The following TSPAN18 variants were observed in gnomAD, a reference collection of about 807,000 sequenced individuals.
TSPAN18 encodes tetraspanin-18.
TSPAN18 carries 14 observed loss-of-function variants against 27.3 expected under a neutral mutation model. The ratio of observed to expected loss-of-function variants is 0.51; its 90% CI spans 0.34 to 0.80. The LOEUF (loss-of-function observed/expected upper bound fraction) is 0.80, where lower values mean the gene tolerates loss of function less well. Ranked by LOEUF, TSPAN18 falls within the 30% of genes least tolerant of loss-of-function variation. The pLI is 0.01. For synonymous variants in TSPAN18, 143 were observed against 136.5 expected, an observed-to-expected ratio of 1.05 and a Z score of -0.33; for missense variants, 268 against 323.9, an observed-to-expected ratio of 0.83 and a Z score of 1.32.
chr11:44,791,279 G>T (rs1301590928), intron 2 of TSPAN18, among the ~76,000 whole-genome samples: 3 of 152,246 alleles, frequency 2.0e-5, no homozygotes, highest in Non-Finnish European at 4.4e-5. Context: ...CACACCTAGG[G>T]TGAGAGCCGT....
chr11:44,925,373 C>T (rs1159971878), intron 8 of TSPAN18, among the ~76,000 whole-genome samples: 7 of 152,174 alleles, frequency 4.6e-5, no homozygotes, highest in Non-Finnish European at 7.3e-5. Flanking sequence ...ATCGTCGTGC[C>T]GGTGGGGTCT....
At chr11:44,790,594 G>A (rs533478838) in intron 2 of TSPAN18, among the ~76,000 whole-genome samples, 24 of 150,012 alleles carry the variant, frequency 1.6e-4, no homozygotes, top group African/African-American at 3.6e-4. Context: ...GCATGTGTTC[G>A]TGTGTGTGCA....
chr11:44,908,775 GAAAGAAAGAAAGAAAGAAAGAAA>G (rs1859570775), intron 4 of TSPAN18, among the ~76,000 whole-genome samples: 1 of 94,626 alleles, frequency 1.1e-5, no homozygotes, highest in Non-Finnish European at 2.0e-5. Flanking sequence ...AAAGGAGAAA[GAAAGAAAGAAAGAAAGAAAGAAA>G]GAAAGAAAGA....
intron 8 of TSPAN18, among the ~76,000 whole-genome samples, chr11:44,923,431 C>T (rs940299184): frequency 1.3e-5 from 2 of 152,002 alleles, no homozygotes; most frequent in Non-Finnish European, 1.5e-5. Flanking sequence ...TGTGTCTCAC[C>T]GGGTGGTGAC....
chr11:44,907,485 A>T (rs1450196387), intron 4 of TSPAN18, among the ~76,000 whole-genome samples: 2 of 152,078 alleles, frequency 1.3e-5, no homozygotes, highest in African/African-American at 2.4e-5. Flanking sequence ...GTGTCTTTTT[A>T]AAAAATATAC....
intron 1 of TSPAN18, among the ~76,000 whole-genome samples, chr11:44,728,225 C>T (rs1020729935): frequency 6.6e-6 from 1 of 152,168 alleles, no homozygotes; most frequent in Admixed American, 6.5e-5. Flanking sequence ...GCTGGAAAGG[C>T]TAGGAGTCAG....
intron 3 of TSPAN18, among the ~76,000 whole-genome samples, chr11:44,894,582 G>T (rs1858974018): frequency 6.6e-6 from 1 of 152,234 alleles, no homozygotes; most frequent in African/African-American, 2.4e-5. Context: ...CGCCATCTGG[G>T]CGACAGGAGG....
At chr11:44,762,001 A>G (rs889478944) in intron 1 of TSPAN18, among the ~76,000 whole-genome samples, 10 of 152,196 alleles carry the variant, frequency 6.6e-5, no homozygotes, top group African/African-American at 2.4e-4. Context: ...TCAAGTTTAC[A>G]TCAAAGAAAA....
chr11:44,767,873 T>C (rs1007677595), intron 2 of TSPAN18, among the ~76,000 whole-genome samples: 17 of 152,268 alleles, frequency 1.1e-4, no homozygotes, highest in African/African-American at 4.1e-4. Flanking sequence ...TATTCTCCAG[T>C]GTATTGCCAT....
intron 1 of TSPAN18, among the ~76,000 whole-genome samples, chr11:44,754,424 T>G (rs1228685528): frequency 1.3e-5 from 2 of 152,226 alleles, no homozygotes; most frequent in Non-Finnish European, 2.9e-5. Flanking sequence ...TACTGCACAT[T>G]GCATCCACGT....
chr11:44,739,096 C>T (rs1854868212), intron 1 of TSPAN18, among the ~76,000 whole-genome samples: 1 of 152,178 alleles, frequency 6.6e-6, no homozygotes, highest in East Asian at 1.9e-4. Flanking sequence ...GACTTCTCTC[C>T]TGGCCCTTTG....
intron 2 of TSPAN18, among the ~76,000 whole-genome samples, chr11:44,832,610 C>T (rs557251176): frequency 2.5e-4 from 38 of 152,348 alleles, no homozygotes; most frequent in South Asian, 6.2e-4. Context: ...TGCCACTGCC[C>T]CGGAGGGATC....
At chr11:44,854,186 A>T (rs918971404) in intron 2 of TSPAN18, among the ~76,000 whole-genome samples, 3 of 43,794 alleles carry the variant, frequency 6.9e-5, no homozygotes, top group African/African-American at 9.0e-5. Flanking sequence ...GTCTCTGCTC[A>T]TTGGGGCAGG....
chr11:44,781,291 G>T (rs1855934201), intron 2 of TSPAN18, among the ~76,000 whole-genome samples: 1 of 152,246 alleles, frequency 6.6e-6, no homozygotes, highest in Admixed American at 6.5e-5. Context: ...TGTTGGGAGG[G>T]AGGGAGCTCT....
rs973917480 is a variant in TSPAN18, at chr11:44,782,507, C to T, written c.-153+17995C>T. On this transcript the variant is annotated intron_variant, in intron 2 of 9. Transcript: ENST00000520358. ...GCAATGAGCAGAGATCATGCCACTG[C>T]ACTCCAGCTTGGGTGACAGAGTGAG... is the stretch of plus-strand genomic sequence containing the variant. Among the ~76,000 whole-genome samples the T allele has an allele frequency of 3.4e-5, 5 of 148,486 alleles. No individual in the cohort carries two copies. In the Admixed American group the frequency reaches 3.4e-4, roughly 10 times the overall value.
intron 3 of TSPAN18, among the ~76,000 whole-genome samples, chr11:44,905,998 T>C (rs1859439325): frequency 6.6e-6 from 1 of 152,124 alleles, no homozygotes; most frequent in Non-Finnish European, 1.5e-5. Context: ...TTTTCTCATC[T>C]ATGAAATGGC....
intron 5 of TSPAN18, among the ~76,000 whole-genome samples, chr11:44,913,808 A>G (rs1414744379): frequency 6.6e-6 from 1 of 152,268 alleles, no homozygotes; most frequent in Non-Finnish European, 1.5e-5. Context: ...TGGCTGACAA[A>G]GGTGTCCTTA....
chr11:44,746,077 T>C (rs12099334), intron 1 of TSPAN18, among the ~76,000 whole-genome samples: 2 of 152,160 alleles, frequency 1.3e-5, no homozygotes, highest in African/African-American at 4.8e-5. Flanking sequence ...GTTGAAAAAG[T>C]GAGAGAAGGT....
chr11:44,882,323 A>G (rs1175948885), intron 3 of TSPAN18, among the ~76,000 whole-genome samples: 1 of 152,046 alleles, frequency 6.6e-6, no homozygotes. Context: ...TCCTTTTCCC[A>G]TTGAGGAGGC....
Sources: allele counts gnomAD v4.1 joint callset (sites outside exome capture counted in the v4.1 genomes callset), GRCh38; gene constraint gnomAD v4.1.1; transcripts MANE v1.5; gene names NCBI Gene and HGNC (gene_info 2026-07-23, HGNC 2026-07-21).